EIF3F: variants seen among roughly 807,000 people sequenced by gnomAD.
EIF3F encodes deubiquitinating enzyme eIF3f.
A neutral mutation model predicts 36.0 loss-of-function variants in EIF3F; 8 were observed. That is an observed-to-expected ratio of 0.22 (90% confidence interval 0.13 to 0.40). EIF3F has a LOEUF of 0.40. EIF3F is among the 10% of genes least tolerant of loss of function. The probability of loss-of-function intolerance (pLI) is 1.00; values close to 1 mark genes in which losing one functional copy is unlikely to be tolerated. For synonymous variants in EIF3F, 184 were observed against 188.5 expected (o/e 0.98, Z 0.19); for missense variants, 430 against 467.6 (o/e 0.92, Z 0.74).
In EIF3F at chr11:7,996,957, T is replaced by C. The variant is rs967420939; in HGVS notation, c.*935T>C. ...CCATTAGGGTATTATGAGGATTCCA[T>C]GAATTAATAAATGTCAGGTTAATCA... is the stretch of plus-strand genomic sequence containing the variant. On this transcript the variant is annotated 3_prime_UTR_variant, in exon 8 of 8. Transcript: ENST00000651655. 6.6e-5 allele frequency: 10 copies of C among 152,208 alleles called. No homozygotes were observed. The highest frequency in any genetic ancestry group is 2.4e-4 in the African/African-American group (10 of 41,458). The allele number at this position is 152,208 out of a possible 1,614,324, so 9.4% of individuals were successfully genotyped here. A position where few individuals can be genotyped will look rare whatever the true frequency, so the allele number is the denominator to read the frequency against.
Position 7,987,393 on chromosome 11 carries a change from C to T in EIF3F, c.41C>T (p.Thr14Met), listed in dbSNP as rs144895933. 107 of 1,599,838 alleles carry T rather than the reference C, an allele frequency of 6.7e-5. No individual in the cohort carries two copies. In the African/African-American group the frequency reaches 1.1e-3, roughly 16 times the overall value. ...PAVPVSAPPA[T>M]PTPVPAAAPA... ...GTACCAGTAAGTGCTCCTCCGGCCA[C>T]GCCAACCCCAGTCCCGGCGGCGGCC... Residue 14 changes from threonine (T) to methionine (M), a missense_variant, in exon 1 of 8, where the codon ACG (threonine) becomes ATG (methionine). By Grantham distance (81) the Thr-to-Met change is moderately conservative (BLOSUM62 -1). Around this residue, in one of 2 missense-constraint regions of EIF3F, gnomAD observed 168 missense variants for 120.2 expected, o/e 1.40. Transcript: ENST00000651655.
Position 7,987,432 on chromosome 11 carries a change from C to T in EIF3F, c.80C>T (p.Pro27Leu), listed in dbSNP as rs1202573687. The change falls in exon 1 of 8, where the codon CCA (proline) becomes CTA (leucine). Residue 27 changes from proline (P) to leucine (L), a missense_variant. Around this residue, in one of 2 missense-constraint regions of EIF3F, gnomAD observed 168 missense variants for 120.2 expected, o/e 1.40. Coordinates refer to ENST00000651655, the MANE Select transcript of EIF3F (RefSeq NM_003754.3). ...PVPAAAPASV[P>L]APTPAPAAAP... ...CCGGCGGCGGCCCCAGCCTCAGTTC[C>T]AGCGCCAACGCCAGCACCGGCTGCG... The T allele has an allele frequency of 3.1e-6, 5 of 1,602,448 alleles. No individual in the cohort carries two copies. Among genetic ancestry groups the T allele is most frequent in the Non-Finnish European group, 4.2e-6 (5 of 1,179,358 alleles).
Position 7,999,816 on chromosome 11 carries a change from A to G in EIF3F, c.*3794A>G, listed in dbSNP as rs1942199899. ...AATCCCACTACTGGGTATATATCCA[A>G]AGGAAATGAAATCAGTATGTTGAAG... On this transcript the variant is annotated 3_prime_UTR_variant, in exon 8 of 8. Coordinates refer to ENST00000651655, the MANE Select transcript of EIF3F (RefSeq NM_003754.3). The G allele has an allele frequency of 6.6e-6, 1 of 152,230 alleles. No individual in the cohort carries two copies. The allele number at this position is 152,230 out of a possible 1,614,324, so 9.4% of individuals were successfully genotyped here.
Position 8,001,827 on chromosome 11 carries a change from A to G in EIF3F, c.*5805A>G, listed in dbSNP as rs545887976. The stretch of plus-strand genomic sequence containing the variant: ...TGTTAATGTAATTTTTCAAAAAAAT[A>G]TATAAAAATATAAAAACATGAAAAA... On this transcript the variant is annotated 3_prime_UTR_variant, in exon 8 of 8. Coordinates refer to ENST00000651655, the MANE Select transcript of EIF3F (RefSeq NM_003754.3). 6.6e-6 allele frequency: 1 copy of G among 152,250 alleles called. No homozygotes were observed. Among genetic ancestry groups the G allele is most frequent in the African/African-American group, 2.4e-5 (1 of 41,566 alleles). 9.4% of individuals were successfully genotyped at this position (152,250 alleles called of 1,614,324 possible). A position where few individuals can be genotyped will look rare whatever the true frequency, so the allele number is the denominator to read the frequency against.
chr11:8,000,975 CA>C lies in EIF3F; in HGVS notation c.*4956del, dbSNP rs1173724780. On this transcript the variant is annotated 3_prime_UTR_variant, in exon 8 of 8. Transcript: ENST00000651655. ...CTGAGTGTCAAATTACACACATACA[CA>C]AATAGTCAATACAAATATAAAACTG... The C allele has an allele frequency of 6.6e-6, 1 of 152,096 alleles. No individual in the cohort carries two copies. Among genetic ancestry groups the C allele is most frequent in the African/African-American group, 2.4e-5 (1 of 41,430 alleles). 9.4% of individuals were successfully genotyped at this position (152,096 alleles called of 1,614,324 possible). A position where few individuals can be genotyped will look rare whatever the true frequency, so the allele number is the denominator to read the frequency against.
At chr11:7,993,968 G>A (rs1311643859) in intron 4 of EIF3F, among the ~76,000 whole-genome samples, 1 of 144,142 alleles carries the variant, frequency 6.9e-6, no homozygotes. Flanking sequence ...AATTGACATA[G>A]TAAAAAGAAT....
rs566827140 is a variant in EIF3F at position 7,997,077 on chromosome 11, A to G, written c.*1055A>G. On this transcript the variant is annotated 3_prime_UTR_variant, in exon 8 of 8. Transcript: ENST00000651655. ...GTGAATAGTTTGAAAGTAATAAGCA[A>G]CATGAACCCCAGCCTGGAACTCAGT... is the stretch of plus-strand genomic sequence containing the variant. 1 of 152,324 alleles carries G rather than the reference A, an allele frequency of 6.6e-6. No homozygotes were observed. The highest frequency in any genetic ancestry group is 2.4e-5 in the African/African-American group (1 of 41,572). 9.4% of individuals were successfully genotyped at this position (152,324 alleles called of 1,614,324 possible). A position where few individuals can be genotyped will look rare whatever the true frequency, so the allele number is the denominator to read the frequency against.
chr11:7,997,611 T>C lies in EIF3F; in HGVS notation c.*1589T>C, dbSNP rs932316120. The C allele has an allele frequency of 1.3e-5, 2 of 152,096 alleles. No homozygotes were observed. The highest frequency in any genetic ancestry group is 4.1e-4 in the South Asian group (2 of 4,820). The allele number at this position is 152,096 out of a possible 1,614,324, so 9.4% of individuals were successfully genotyped here. On this transcript the variant is annotated 3_prime_UTR_variant, in exon 8 of 8. Coordinates refer to ENST00000651655, the MANE Select transcript of EIF3F (RefSeq NM_003754.3). ...TCATATGCTGTTTACAGGAGACACA[T>C]CTAAAACAAGGACATAAAGTTGTCC...
At position 7,991,865 on chromosome 11, in the gene EIF3F, C is replaced by A. The variant is rs2133670130; in HGVS notation, c.435+14C>A. 2.5e-6 allele frequency: 4 copies of A among 1,614,106 alleles called. No individual in the cohort carries two copies. The East Asian group carries it at 8.9e-5, about 36-fold the overall frequency. ...TCAGAAGATGAAGTGAGTGGGAATC[C>A]AAGCTGTCCCTCTGCAGTTTTTAGC... On this transcript the variant is annotated intron_variant, in intron 2 of 7. Transcript: ENST00000651655.
rs1942216333 is a variant in EIF3F at position 8,001,168 on chromosome 11, G to A, written c.*5146G>A. On this transcript the variant is annotated 3_prime_UTR_variant, in exon 8 of 8. Transcript: ENST00000651655. ...AAAGATGCTTGATCTCACTGATAAA[G>A]CATAAATTAAAACGATGTCATTTTT... 1 of 152,128 alleles carries A rather than the reference G, an allele frequency of 6.6e-6. No homozygotes were observed. The highest frequency in any genetic ancestry group is 6.5e-5 in the Admixed American group (1 of 15,278). The allele number at this position is 152,128 out of a possible 1,614,324, so 9.4% of individuals were successfully genotyped here. A position where few individuals can be genotyped will look rare whatever the true frequency, so the allele number is the denominator to read the frequency against.
In EIF3F at chr11:7,998,497, T is replaced by A. The variant is rs1289231739; in HGVS notation, c.*2475T>A. 1 of 152,162 alleles carries A rather than the reference T, an allele frequency of 6.6e-6. No individual in the cohort carries two copies. The highest frequency in any genetic ancestry group is 2.4e-5 in the African/African-American group (1 of 41,434). The allele number at this position is 152,162 out of a possible 1,614,324, so 9.4% of individuals were successfully genotyped here. A position where few individuals can be genotyped will look rare whatever the true frequency, so the allele number is the denominator to read the frequency against. On this transcript the variant is annotated 3_prime_UTR_variant, in exon 8 of 8. Transcript: ENST00000651655. Reference sequence around the variant, plus strand: ...ATAGACTGAAAAGGATACTTGTTTATAAGAACTGAAACAAGAAGGCCTTGT... The same window carrying A: ...ATAGACTGAAAAGGATACTTGTTTAAAAGAACTGAAACAAGAAGGCCTTGT...
At chr11:7,990,900 T>TAAATAAATAAATAAAA (rs1554914921) in intron 1 of EIF3F, among the ~76,000 whole-genome samples, 35 of 136,878 alleles carry the variant, frequency 2.6e-4, no homozygotes, top group East Asian at 6.1e-4. Context: ...AATAAATAAA[T>TAAATAAATAAATAAAA]AAAAGAAATA....
At chr11:7,995,437 A>G (rs1467197057) in intron 7 of EIF3F, 70 bp downstream of exon 7, 2 of 1,296,876 alleles carry the variant, frequency 1.5e-6, no homozygotes, top group Non-Finnish European at 2.2e-6. Flanking sequence ...CTCAAATGTG[A>G]AAAGAGTTGG....
intron 1 of EIF3F, among the ~76,000 whole-genome samples, chr11:7,988,776 A>G (rs1250532124): frequency 6.6e-6 from 1 of 152,220 alleles, no homozygotes; most frequent in Non-Finnish European, 1.5e-5. Flanking sequence ...CAGATTACCT[A>G]AAATCTGTTC....
At chr11:7,993,948 C>G (rs563185926) in intron 4 of EIF3F, among the ~76,000 whole-genome samples, 63 of 150,462 alleles carry the variant, frequency 4.2e-4, no homozygotes, top group African/African-American at 1.6e-3. Context: ...AAGTATAGAT[C>G]CAGGTATATA....
Position 7,995,324 on chromosome 11 carries a change from T to G in EIF3F, c.953T>G (p.Ile318Arg). Reference sequence around the variant, plus strand: ...AGCCTGGTTAACCAAGTACCGAAAATAGTTCCCGATGACTTTGAGACCATG... The same window carrying G: ...AGCCTGGTTAACCAAGTACCGAAAAGAGTTCCCGATGACTTTGAGACCATG... ...LMSLVNQVPKIVPDDFETMLN... is the reference protein window; with the variant it reads ...LMSLVNQVPKRVPDDFETMLN... The change falls in exon 7 of 8, where the codon ATA becomes AGA. Residue 318 changes from isoleucine (I) to arginine (R), a missense_variant. Physicochemically the swap from Ile to Arg is moderately conservative, Grantham distance 97. Coordinates refer to ENST00000651655, the MANE Select transcript of EIF3F (RefSeq NM_003754.3). The G allele has an allele frequency of 6.2e-7, 1 of 1,614,062 alleles. No individual in the cohort carries two copies. Among genetic ancestry groups the G allele is most frequent in the East Asian group, 2.2e-5 (1 of 44,866 alleles).
chr11:7,998,576 G>C lies in EIF3F; in HGVS notation c.*2554G>C, dbSNP rs978923060. On this transcript the variant is annotated 3_prime_UTR_variant, in exon 8 of 8. Transcript: ENST00000651655. The stretch of plus-strand genomic sequence containing the variant: ...GGCAATTCAAATTTTTTCACATGCT[G>C]CATGTCCGCAAATGGCTGCAAAAGC... 1 of 152,178 alleles carries C rather than the reference G, an allele frequency of 6.6e-6. No homozygotes were observed. Among genetic ancestry groups the C allele is most frequent in the East Asian group, 1.9e-4 (1 of 5,204 alleles). 9.4% of individuals were successfully genotyped at this position (152,178 alleles called of 1,614,324 possible).
intron 7 of EIF3F, 33 bp from the exon 8 acceptor site, chr11:7,995,912 C>T (rs1284384644): frequency 6.3e-7 from 1 of 1,599,598 alleles, no homozygotes; most frequent in Non-Finnish European, 8.6e-7. Flanking sequence ...TTCCACCCAA[C>T]CCCCCACTCA....
At position 7,997,851 on chromosome 11, in the gene EIF3F, C is replaced by G. The variant is rs1942177857; in HGVS notation, c.*1829C>G. The G allele has an allele frequency of 1.3e-5, 2 of 152,152 alleles. No homozygotes were observed. The highest frequency in any genetic ancestry group is 2.9e-5 in the Non-Finnish European group (2 of 68,030). 9.4% of individuals were successfully genotyped at this position (152,152 alleles called of 1,614,324 possible). ...ATTGAGGGGGAAAATTGTGTCTGGA[C>G]TAAACCTGTACAGACATTTTTCCTT... On this transcript the variant is annotated 3_prime_UTR_variant, in exon 8 of 8. Transcript: ENST00000651655.
Sources: gnomAD v4.1 joint callset for allele counts (sites outside exome capture counted in the v4.1 genomes callset) on GRCh38, gnomAD v4.1.1 for gene constraint, gnomAD v4.1.1 regional missense constraint, MANE v1.5 for transcripts, NCBI Gene and HGNC (gene_info 2026-07-23, HGNC 2026-07-21) for gene names.